The following MAF variants were observed in gnomAD, a reference collection of about 807,000 sequenced individuals.
The protein encoded by MAF is MAF bZIP transcription factor, also known as transcription factor Maf.
MAF carries 10 observed loss-of-function variants against 22.0 expected under a neutral mutation model. The ratio of observed to expected loss-of-function variants is 0.45; its 90% CI spans 0.28 to 0.77. The LOEUF (loss-of-function observed/expected upper bound fraction) is 0.77. Ranked by LOEUF, MAF falls within the 30% of genes least tolerant of loss-of-function variation. The probability of loss-of-function intolerance (pLI) is 0.12; values close to 1 mark genes in which losing one functional copy is unlikely to be tolerated. For missense variants in MAF, 544 were observed against 548.4 expected (o/e 0.99, Z 0.08); for synonymous variants, 337 against 255.8 (o/e 1.32, Z -3.03).
chr16:79,488,168 C>T, the MAF span, among the ~76,000 whole-genome samples: 19 of 152,302 alleles, frequency 1.2e-4, no homozygotes, highest in South Asian at 4.1e-4. Flanking sequence ...TAGAAGAGCA[C>T]GCAGAGGGAG....
At chr16:79,463,224 G>A in the MAF span, among the ~76,000 whole-genome samples, 5,752 of 152,258 alleles carry the variant, frequency 0.038, 111 homozygotes, top group Middle Eastern at 0.054. Context: ...AGATGGGTCC[G>A]GGTCACATAG....
the MAF span, among the ~76,000 whole-genome samples, chr16:79,344,277 A>C: frequency 6.6e-6 from 1 of 152,192 alleles, no homozygotes; most frequent in Non-Finnish European, 1.5e-5. Flanking sequence ...AACTCACCTG[A>C]GACTACCCAG....
At chr16:79,398,122 C>A in the MAF span, among the ~76,000 whole-genome samples, 9 of 152,254 alleles carry the variant, frequency 5.9e-5, no homozygotes, top group East Asian at 1.7e-3. Context: ...CGGAGGCCAC[C>A]TGCATTCCTT....
At chr16:79,258,753 CTCCCT>C in the MAF span, among the ~76,000 whole-genome samples, 1 of 152,204 alleles carries the variant, frequency 6.6e-6, no homozygotes, top group Non-Finnish European at 1.5e-5. Flanking sequence ...GACATCCCCT[CTCCCT>C]TCAAGAGCCT....
the MAF span, among the ~76,000 whole-genome samples, chr16:79,353,381 G>C: frequency 8.6e-5 from 13 of 152,016 alleles, no homozygotes. Context: ...CGCCTGCCTC[G>C]GCCTCCCAAA....
the MAF span, among the ~76,000 whole-genome samples, chr16:79,303,346 A>G: frequency 6.6e-6 from 1 of 152,218 alleles, no homozygotes; most frequent in Non-Finnish European, 1.5e-5. Flanking sequence ...AGGGCTTATG[A>G]TAGCTTCAGA....
At chr16:79,328,868 C>G in the MAF span, among the ~76,000 whole-genome samples, 1 of 152,122 alleles carries the variant, frequency 6.6e-6, no homozygotes, top group African/African-American at 2.4e-5. Context: ...AGTTTTCTGC[C>G]AAGGCGTTTA....
the MAF span, among the ~76,000 whole-genome samples, chr16:79,218,199 T>C: frequency 6.6e-6 from 1 of 151,958 alleles, no homozygotes; most frequent in Non-Finnish European, 1.5e-5. Context: ...CTTTCAAGGA[T>C]TCATGGTATT....
At chr16:79,343,451 C>A in the MAF span, among the ~76,000 whole-genome samples, 1 of 152,184 alleles carries the variant, frequency 6.6e-6, no homozygotes, top group East Asian at 1.9e-4. Context: ...TGCAGATAAC[C>A]CTTGAAGTGT....
chr16:79,291,031 G>A, the MAF span, among the ~76,000 whole-genome samples: 9 of 152,074 alleles, frequency 5.9e-5, no homozygotes, highest in Admixed American at 5.9e-4. Flanking sequence ...ACGAATGCTC[G>A]AGTGTAGTCA....
At chr16:79,511,590 A>G in the MAF span, among the ~76,000 whole-genome samples, 1 of 152,368 alleles carries the variant, frequency 6.6e-6, no homozygotes, top group African/African-American at 2.4e-5. Flanking sequence ...TACATGCACA[A>G]GAAGCATGTT....
At chr16:79,237,491 C>A in the MAF span, among the ~76,000 whole-genome samples, 1 of 152,076 alleles carries the variant, frequency 6.6e-6, no homozygotes, top group Non-Finnish European at 1.5e-5. Context: ...GAGGATTTCT[C>A]CCCCAACTTC....
chr16:79,242,655 A>G, the MAF span, among the ~76,000 whole-genome samples: 61,842 of 151,636 alleles, frequency 0.41, 15,423 homozygotes, highest in Non-Finnish European at 0.57. Context: ...TGAGACAGAA[A>G]ATTAACAAGG....
At chr16:79,216,129 G>A in the MAF span, among the ~76,000 whole-genome samples, 1 of 150,706 alleles carries the variant, frequency 6.6e-6, no homozygotes, top group Non-Finnish European at 1.5e-5. Flanking sequence ...GTGCACATCT[G>A]TATATGTATA....
the MAF span, among the ~76,000 whole-genome samples, chr16:79,510,379 GT>G: frequency 6.6e-6 from 1 of 152,288 alleles, no homozygotes; most frequent in East Asian, 1.9e-4. Context: ...TTTTATTAAT[GT>G]TTTCTAACTG....
the MAF span, among the ~76,000 whole-genome samples, chr16:79,214,360 CT>C: frequency 6.6e-6 from 1 of 152,128 alleles, no homozygotes; most frequent in Admixed American, 6.5e-5. Flanking sequence ...GGTGACTAGG[CT>C]TTATGTTCAG....
the MAF span, among the ~76,000 whole-genome samples, chr16:79,575,290 G>A: frequency 6.6e-6 from 1 of 152,078 alleles, no homozygotes; most frequent in Admixed American, 6.5e-5. Flanking sequence ...AGAAAAGCAG[G>A]CAGCTGACCA....
chr16:79,218,398 T>C, the MAF span, among the ~76,000 whole-genome samples: 1 of 152,220 alleles, frequency 6.6e-6, no homozygotes, highest in African/African-American at 2.4e-5. Context: ...TCAATTAGCA[T>C]CTTTATGCAT....
chr16:79,548,446 C>T, the MAF span, among the ~76,000 whole-genome samples: 1 of 152,088 alleles, frequency 6.6e-6, no homozygotes. Context: ...AAGGAAAAAA[C>T]AGCTTTATAT....
Sources: allele counts gnomAD v4.1 joint callset (sites outside exome capture counted in the v4.1 genomes callset), GRCh38; gene constraint gnomAD v4.1.1; transcripts MANE v1.5; gene names NCBI Gene and HGNC (gene_info 2026-07-23, HGNC 2026-07-21).